EPOR: variants seen among roughly 807,000 people sequenced by gnomAD.
EPOR encodes erythropoietin receptor.
EPOR carries 20 observed loss-of-function variants against 34.3 expected under a neutral mutation model. The ratio of observed to expected loss-of-function variants is 0.58; its 90% confidence interval spans 0.41 to 0.85. EPOR has a LOEUF of 0.85. EPOR is among the 40% of genes least tolerant of loss of function. The pLI is 0.00. For missense variants in EPOR, 601 were observed against 672.7 expected (o/e 0.89, Z 1.18); for synonymous variants, 312 against 299.0 (o/e 1.04, Z -0.45).
Position 11,383,106 on chromosome 19 carries a change from T to G in EPOR, c.242A>C (p.Tyr81Ser). ...GCCGGATCGGACTCACTCGAGCTGG[T>G]AGGAGAAGCTGTAGTTGCCCGGGCC... ...GVGPGNYSFS[Y>S]QLEDEPWKLC... The change falls in exon 2 of 8, where the codon TAC becomes TCC. Residue 81 changes from tyrosine (Y) to serine (S), a missense_variant. Physicochemically the swap from Tyr to Ser is moderately radical, Grantham distance 144 (BLOSUM62 -2). Transcript: ENST00000222139. The surrounding 1 kb of genome is among the most constrained non-coding windows in gnomAD (Gnocchi z 4.9). The G allele has an allele frequency of 6.2e-7, 1 of 1,613,222 alleles. No homozygotes were observed. Among genetic ancestry groups the G allele is most frequent in the Non-Finnish European group, 8.5e-7 (1 of 1,179,750 alleles).
In EPOR at chr19:11,378,005, G is replaced by C. The variant is rs1323823127; in HGVS notation, c.1506C>G (p.Pro502=). The change falls in exon 8 of 8, where the codon CCC becomes CCG. Residue 502 remains proline (P), a synonymous_variant. Transcript: ENST00000222139. This position sits in a 1 kb window ranked among gnomAD's most constrained non-coding sequence, Gnocchi z 5.3. The part of the protein sequence containing the change: ...SLIPAAEPLP[P]SYVACS ...TGTCCTAAGAGCAAGCCACATAGCT[G>C]GGGGGCAGAGGCTCAGCGGCTGGGA... 5 of 1,614,076 alleles carry C rather than the reference G, an allele frequency of 3.1e-6. No individual in the cohort carries two copies. Among genetic ancestry groups the C allele is most frequent in the South Asian group, 2.2e-5 (2 of 91,080 alleles).
rs1968355561 is a variant in EPOR at position 11,381,351 on chromosome 19, A to G, written c.586-142T>C. ...TGGGACCAATAAGAGTAGGGGGAGG[A>G]GCCCAAGAAAGCTCAGGGCCAATCA... On this transcript the variant is annotated intron_variant, in intron 4 of 7. Transcript: ENST00000222139. The surrounding 1 kb of genome is among the most constrained non-coding windows in gnomAD (Gnocchi z 5.3). The G allele has an allele frequency of 1.1e-6, 1 of 904,994 alleles. No homozygotes were observed. The highest frequency in any genetic ancestry group is 1.6e-5 in the African/African-American group (1 of 60,824). 56.1% of individuals were successfully genotyped at this position (904,994 alleles called of 1,614,324 possible).
rs745829572 is a variant in EPOR, at chr19:11,383,021, C to A, written c.251+76G>T. On this transcript the variant is annotated intron_variant, in intron 2 of 7. Transcript: ENST00000222139. This position sits in a 1 kb window ranked among gnomAD's most constrained non-coding sequence, Gnocchi z 4.9. ...CGGGCCTCAAACAGCAGGGGACATACGAGGCTACGACCTCCAGGGAGCTCT... is the reference window on the plus strand; with the variant it reads ...CGGGCCTCAAACAGCAGGGGACATAAGAGGCTACGACCTCCAGGGAGCTCT... The A allele has an allele frequency of 5.6e-6, 9 of 1,607,790 alleles. No homozygotes were observed. The highest frequency in any genetic ancestry group is 7.6e-6 in the Non-Finnish European group (9 of 1,179,418).
rs1303256212 is a variant in EPOR, at chr19:11,377,337, G to T, written c.*647C>A. On this transcript the variant is annotated 3_prime_UTR_variant, in exon 8 of 8. Transcript: ENST00000222139. The stretch of plus-strand genomic sequence containing the variant: ...TTCATGTGACTGGGGTCATGTGACT[G>T]TTTCCAGCCAGTGAGGTGTGAGAAG... 4.4e-6 allele frequency: 2 copies of T among 454,084 alleles called. No individual in the cohort carries two copies. The highest frequency in any genetic ancestry group is 4.7e-5 in the Admixed American group (2 of 42,558). The allele number at this position is 454,084 out of a possible 1,614,324, so 28.1% of individuals were successfully genotyped here. A position where few individuals can be genotyped will look rare whatever the true frequency, so the allele number is the denominator to read the frequency against.
Position 11,381,168 on chromosome 19 carries a change from G to A in EPOR, c.627C>T (p.Asn209=). The stretch of plus-strand genomic sequence containing the variant: ...AGGTGTAGCGCGTCCGGCCCCGCAG[G>A]TTGCTCAGCACACACTCGGTGCGGC... ...LEGRTECVLS[N]LRGRTRYTFA... The change falls in exon 5 of 8, where the codon AAC becomes AAT. Residue 209 remains asparagine, a synonymous_variant. Coordinates refer to ENST00000222139, the MANE Select transcript of EPOR (RefSeq NM_000121.4). This position sits in a 1 kb window ranked among gnomAD's most constrained non-coding sequence, Gnocchi z 5.3. 1.3e-6 allele frequency: 2 copies of A among 1,553,258 alleles called. No homozygotes were observed. The highest frequency in any genetic ancestry group is 2.4e-5 in the South Asian group (2 of 84,462).
chr19:11,377,279 C>G lies in EPOR; in HGVS notation c.*705G>C. ...TGGCCCTTAAACAGCTTTGCCCTTC[C>G]TGGGTGTACAGCTAAACTAAGTTTC... On this transcript the variant is annotated 3_prime_UTR_variant, in exon 8 of 8. Coordinates refer to ENST00000222139, the MANE Select transcript of EPOR (RefSeq NM_000121.4). The G allele has an allele frequency of 2.2e-6, 1 of 454,062 alleles. No individual in the cohort carries two copies. Among genetic ancestry groups the G allele is most frequent in the Non-Finnish European group, 4.4e-6 (1 of 226,784 alleles). The allele number at this position is 454,062 out of a possible 1,614,324, so 28.1% of individuals were successfully genotyped here. A position where few individuals can be genotyped will look rare whatever the true frequency, so the allele number is the denominator to read the frequency against.
chr19:11,381,642 G>T lies in EPOR; in HGVS notation c.585+50C>A. ...GGCGCGACCTCGAGAGGCGTGGCTG[G>T]GCCGTAGTCAGTGGAGCTTTGGGGG... On this transcript the variant is annotated intron_variant, in intron 4 of 7. Transcript: ENST00000222139. The surrounding 1 kb of genome is among the most constrained non-coding windows in gnomAD (Gnocchi z 5.3). 6.4e-7 allele frequency: 1 copy of T among 1,553,988 alleles called. No individual in the cohort carries two copies.
In EPOR at chr19:11,383,403, A is replaced by C; in HGVS notation, c.116-171T>G. 4 of 620,876 alleles carry C rather than the reference A, an allele frequency of 6.4e-6. No homozygotes were observed. Among genetic ancestry groups the C allele is most frequent in the East Asian group, 2.9e-5 (1 of 34,410 alleles). The allele number at this position is 620,876 out of a possible 1,614,324, so 38.5% of individuals were successfully genotyped here. ...GGTCCGCAGAGGTGGTGCCCCCCTA[A>C]TTCCCAGGGGCAAGTTTCTCGCCTT... On this transcript the variant is annotated intron_variant, in intron 1 of 7. Coordinates refer to ENST00000222139, the MANE Select transcript of EPOR (RefSeq NM_000121.4). The surrounding 1 kb of genome is among the most constrained non-coding windows in gnomAD (Gnocchi z 4.9).
chr19:11,380,881 C>T lies in EPOR; in HGVS notation c.827+3G>A, dbSNP rs756205858. 6.4e-7 allele frequency: 1 copy of T among 1,551,256 alleles called. No homozygotes were observed. Among genetic ancestry groups the T allele is most frequent in the South Asian group, 1.2e-5 (1 of 84,056 alleles). ...GGGCCCAGCGCCCAAATGGGGAGCTCACCGGCGGTGGGAGAGCAGCGCGAG... is the reference window on the plus strand; with the variant it reads ...GGGCCCAGCGCCCAAATGGGGAGCTTACCGGCGGTGGGAGAGCAGCGCGAG... On this transcript the variant is annotated splice_donor_region_variant and intron_variant, in intron 6 of 7. Transcript: ENST00000222139.
rs1254624883 is a variant in EPOR at position 11,381,753 on chromosome 19, G to A, written c.524C>T (p.Thr175Met). 3 of 1,613,198 alleles carry A rather than the reference G, an allele frequency of 1.9e-6. No homozygotes were observed. In the African/African-American group the frequency reaches 4.0e-5, roughly 22 times the overall value. ...GTCCACCTCGTAGCGGATGTGAGAC[G>A]TCATGGGTGTCTCAGGCGGCGGGAG... ...RWLPPPETPM[T>M]SHIRYEVDVS... The change falls in exon 4 of 8, where the codon ACG becomes ATG. Residue 175 changes from threonine to methionine, a missense_variant. By Grantham distance (81) the Thr-to-Met change is moderately conservative (BLOSUM62 -1). Coordinates refer to ENST00000222139, the MANE Select transcript of EPOR (RefSeq NM_000121.4). This position sits in a 1 kb window ranked among gnomAD's most constrained non-coding sequence, Gnocchi z 5.3.
At chr19:11,379,734 C>G (rs1968331316) in intron 6 of EPOR, among the ~76,000 whole-genome samples, 1 of 149,582 alleles carries the variant, frequency 6.7e-6, no homozygotes, top group South Asian at 2.1e-4. Flanking sequence ...GAGTTTCACT[C>G]TTATTGCCCA....
At chr19:11,379,776 C>T (rs1420836380) in intron 6 of EPOR, among the ~76,000 whole-genome samples, 1 of 151,826 alleles carries the variant, frequency 6.6e-6, no homozygotes, top group Admixed American at 6.6e-5. Flanking sequence ...TCTCGGCTCA[C>T]CCGCAACCTC....
At chr19:11,382,862 G>A in intron 2 of EPOR, 3 of 1,508,028 alleles carry the variant, frequency 2.0e-6, no homozygotes, top group Admixed American at 2.0e-5. Context: ...ATTTGGAGGC[G>A]TTGTTATCCC....
rs998857144 is a variant in EPOR, at chr19:11,383,545, G to A, written c.116-313C>T. On this transcript the variant is annotated intron_variant, in intron 1 of 7. Transcript: ENST00000222139. This position sits in a 1 kb window ranked among gnomAD's most constrained non-coding sequence, Gnocchi z 4.9. ...CCAGCCCCGCCCCAGCCTAGGACAC[G>A]CGCGCGGCTGGGGGTGTGTGCGGAG... 13 of 316,506 alleles carry A rather than the reference G, an allele frequency of 4.1e-5. 1 individual carries two copies. The highest frequency in any genetic ancestry group is 7.1e-5 in the Non-Finnish European group (12 of 169,526). The allele number at this position is 316,506 out of a possible 1,614,324, so 19.6% of individuals were successfully genotyped here. A position where few individuals can be genotyped will look rare whatever the true frequency, so the allele number is the denominator to read the frequency against.
At position 11,381,295 on chromosome 19, in the gene EPOR, G is replaced by T; in HGVS notation, c.586-86C>A. On this transcript the variant is annotated intron_variant, in intron 4 of 7. Transcript: ENST00000222139. The surrounding 1 kb of genome is among the most constrained non-coding windows in gnomAD (Gnocchi z 5.3). ...GCCCTGGTGGAACTGAGCCAATCAG[G>T]GGAAAGGAAAACGGTGCCCTAGAAT... 6.8e-7 allele frequency: 1 copy of T among 1,460,136 alleles called. No homozygotes were observed. Among genetic ancestry groups the T allele is most frequent in the East Asian group, 2.5e-5 (1 of 40,488 alleles). 90.4% of individuals were successfully genotyped at this position (1,460,136 alleles called of 1,614,324 possible).
At position 11,383,997 on chromosome 19, in the gene EPOR, A is replaced by T; in HGVS notation, c.115+96T>A. On this transcript the variant is annotated intron_variant, in intron 1 of 7. Coordinates refer to ENST00000222139, the MANE Select transcript of EPOR (RefSeq NM_000121.4). This position sits in a 1 kb window ranked among gnomAD's most constrained non-coding sequence, Gnocchi z 4.9. The stretch of plus-strand genomic sequence containing the variant: ...CCCAGGACCCGGTCAGGAAGTCCAG[A>T]AACAGGCATGGCCCCCAGGACCTAG... 5 of 670,186 alleles carry T rather than the reference A, an allele frequency of 7.5e-6. No homozygotes were observed. Among genetic ancestry groups the T allele is most frequent in the South Asian group, 5.9e-5 (4 of 68,330 alleles). 41.5% of individuals were successfully genotyped at this position (670,186 alleles called of 1,614,324 possible). A position where few individuals can be genotyped will look rare whatever the true frequency, so the allele number is the denominator to read the frequency against.
intron 6 of EPOR, 86 bp downstream of exon 6, chr19:11,380,798 G>GTC (rs1347283444): frequency 8.9e-7 from 1 of 1,123,460 alleles, no homozygotes; most frequent in Non-Finnish European, 1.3e-6. Flanking sequence ...GCAAGTGCGT[G>GTC]TCTCTCTCTG....
Position 11,377,505 on chromosome 19 carries a change from TG to T in EPOR, c.*478del, listed in dbSNP as rs1968296203. 1 of 454,112 alleles carries T rather than the reference TG, an allele frequency of 2.2e-6. No homozygotes were observed. Among genetic ancestry groups the T allele is most frequent in the South Asian group, 1.6e-5 (1 of 64,482 alleles). The allele number at this position is 454,112 out of a possible 1,614,324, so 28.1% of individuals were successfully genotyped here. ...CCTAAGAGAAGGTAGAGCTACAGACTGGAAGAGTCTGAACCTCTGACTCATC... is the reference window on the plus strand; with the variant it reads ...CCTAAGAGAAGGTAGAGCTACAGACTGAAGAGTCTGAACCTCTGACTCATC... On this transcript the variant is annotated 3_prime_UTR_variant, in exon 8 of 8. Coordinates refer to ENST00000222139, the MANE Select transcript of EPOR (RefSeq NM_000121.4).
chr19:11,377,843 C>T lies in EPOR; in HGVS notation c.*141G>A, dbSNP rs1192644658. On this transcript the variant is annotated 3_prime_UTR_variant, in exon 8 of 8. Transcript: ENST00000222139. ...AAAAATACTGCAAGGTTGTGGTTTC[C>T]TGAGCAGGATGGATTGGGCAGACAA... 8.1e-6 allele frequency: 8 copies of T among 987,240 alleles called. No homozygotes were observed. Among genetic ancestry groups the T allele is most frequent in the Non-Finnish European group, 1.3e-5 (8 of 618,936 alleles). 61.2% of individuals were successfully genotyped at this position (987,240 alleles called of 1,614,324 possible).
Sources: gnomAD v4.1 joint callset for allele counts (sites outside exome capture counted in the v4.1 genomes callset) on GRCh38, gnomAD v4.1.1 for gene constraint, Gnocchi (gnomAD v3.1) non-coding constraint, MANE v1.5 for transcripts, NCBI Gene and HGNC (gene_info 2026-07-23, HGNC 2026-07-21) for gene names.